Variants in NCKAP5 observed in about 807,000 individuals in gnomAD.
NCKAP5 encodes NCK associated protein 5.
NCKAP5 carries 92 observed loss-of-function variants against 167.0 expected under a neutral mutation model. That is an observed-to-expected ratio of 0.55 (90% CI 0.47 to 0.66). NCKAP5 has a LOEUF of 0.66. NCKAP5 is among the 30% of genes least tolerant of loss of function. The pLI is 0.00. For synonymous variants in NCKAP5, 891 were observed against 877.4 expected (o/e 1.02, Z -0.27); for missense variants, 2,378 against 2,315.0 (o/e 1.03, Z -0.56).
intron 11 of NCKAP5, among the ~76,000 whole-genome samples, chr2:132,859,937 T>G (rs116136638): frequency 6.6e-6 from 1 of 152,022 alleles, no homozygotes; most frequent in South Asian, 2.1e-4. Flanking sequence ...CAGCTTTCCA[T>G]GTTATGAAGG....
At chr2:133,618,578 A>G in the NCKAP5 span, among the ~76,000 whole-genome samples, 2 of 151,828 alleles carry the variant, frequency 1.3e-5, no homozygotes, top group East Asian at 1.9e-4. Flanking sequence ...TGGCCATCAG[A>G]GAAATGCAAA....
At chr2:132,733,183 G>C (rs1266324534) in intron 16 of NCKAP5, among the ~76,000 whole-genome samples, 4 of 152,190 alleles carry the variant, frequency 2.6e-5, no homozygotes, top group African/African-American at 4.8e-5. Flanking sequence ...CAAGGCCAAT[G>C]AGGCAGCTTC....
In NCKAP5 at chr2:133,262,818, G is replaced by C. The variant is rs79123696; in HGVS notation, c.143+40219C>G. On this transcript the variant is annotated intron_variant, in intron 4 of 19. Transcript: ENST00000409261. ...ACAGTTCCACATAAAAAGCAGGAAGGCTTGTTCTCCAAAAATGCCCCTTGG... is the reference window on the plus strand; with the variant it reads ...ACAGTTCCACATAAAAAGCAGGAAGCCTTGTTCTCCAAAAATGCCCCTTGG... Among the ~76,000 whole-genome samples, 781 of 152,266 alleles carry C rather than the reference G, an allele frequency of 5.1e-3. 15 individuals carry two copies. The South Asian group carries it at 0.06, about 12-fold the overall frequency.
rs544578777 is a variant in NCKAP5, at chr2:133,557,080, G to A, written c.-62+1970C>T. ...GAATACAAACCACATGCCTAGCAAT[G>A]GAGAGAATTCTAGGTTCTAAATAAT... On this transcript the variant is annotated intron_variant, in intron 2 of 19. Coordinates refer to ENST00000409261, the MANE Select transcript of NCKAP5 (RefSeq NM_207363.3). Among the ~76,000 whole-genome samples the A allele has an allele frequency of 6.8e-4, 104 of 152,286 alleles. 2 individuals carry two copies. Among genetic ancestry groups the A allele is most frequent in the Non-Finnish European group, 1.2e-3 (83 of 68,018 alleles).
At chr2:133,403,019 T>G (rs1688197750) in intron 3 of NCKAP5, among the ~76,000 whole-genome samples, 1 of 152,226 alleles carries the variant, frequency 6.6e-6, no homozygotes, top group East Asian at 1.9e-4. Flanking sequence ...TTAACTTTTA[T>G]GTCCCAATGA....
chr2:133,448,330 T>C lies in NCKAP5; in HGVS notation c.69+69128A>G, dbSNP rs1179097146. ...AACTCTTTTCCACAAATCAAACCTT[T>C]GAATCATTCTGTAGCATGAGGAAGC... On this transcript the variant is annotated intron_variant, in intron 3 of 19. Transcript: ENST00000409261. 9.2e-5 allele frequency among the ~76,000 whole-genome samples: 14 copies of C among 152,150 alleles called. 1 individual carries two copies. In the East Asian group the frequency reaches 2.5e-3, roughly 27 times the overall value.
intron 3 of NCKAP5, among the ~76,000 whole-genome samples, chr2:133,455,386 C>T (rs968278534): frequency 1.3e-5 from 2 of 152,060 alleles, no homozygotes; most frequent in Non-Finnish European, 2.9e-5. Flanking sequence ...TAGTCATTTT[C>T]ATGGGACAGA....
intron 3 of NCKAP5, among the ~76,000 whole-genome samples, chr2:133,492,212 C>T (rs1209713856): frequency 2.0e-5 from 3 of 148,292 alleles, no homozygotes; most frequent in South Asian, 4.3e-4. Flanking sequence ...GGTGAAAATA[C>T]GGGCTTTGGA....
Position 133,267,922 on chromosome 2 carries a change from T to C in NCKAP5, c.143+35115A>G, listed in dbSNP as rs373229058. 6.2e-4 allele frequency among the ~76,000 whole-genome samples: 95 copies of C among 152,328 alleles called. 1 individual carries two copies. In the East Asian group the frequency reaches 8.9e-3, roughly 14 times the overall value. Reference sequence around the variant, plus strand: ...ATAAATGGCAGTAGTCCTAGAGACATACAAACAAGTCTTAAAGCATGGAAG... The same window carrying C: ...ATAAATGGCAGTAGTCCTAGAGACACACAAACAAGTCTTAAAGCATGGAAG... On this transcript the variant is annotated intron_variant, in intron 4 of 19. Coordinates refer to ENST00000409261, the MANE Select transcript of NCKAP5 (RefSeq NM_207363.3).
At chr2:133,180,856 C>T (rs1330772862) in intron 5 of NCKAP5, among the ~76,000 whole-genome samples, 1 of 151,964 alleles carries the variant, frequency 6.6e-6, no homozygotes, top group Non-Finnish European at 1.5e-5. Context: ...AGCTTCTACA[C>T]AGCAAAGGAA....
chr2:133,518,700 AT>A (rs1316155129), intron 2 of NCKAP5, among the ~76,000 whole-genome samples: 3 of 152,056 alleles, frequency 2.0e-5, no homozygotes, highest in Non-Finnish European at 4.4e-5. Flanking sequence ...TGGACAAGTC[AT>A]TTAACCTCTC....
At chr2:133,664,877 GTAC>G in the NCKAP5 span, among the ~76,000 whole-genome samples, 8 of 152,176 alleles carry the variant, frequency 5.3e-5, no homozygotes, top group Non-Finnish European at 1.2e-4. Context: ...TTCTACATCA[GTAC>G]TTTCTGCTTC....
At chr2:132,974,976 A>T (rs1429503553) in intron 7 of NCKAP5, among the ~76,000 whole-genome samples, 1 of 152,164 alleles carries the variant, frequency 6.6e-6, no homozygotes, top group Non-Finnish European at 1.5e-5. Flanking sequence ...TCTGTGATTT[A>T]TTTACTCATT....
intron 8 of NCKAP5, among the ~76,000 whole-genome samples, chr2:132,889,791 C>T (rs542503927): frequency 8.5e-5 from 13 of 152,216 alleles, no homozygotes; most frequent in South Asian, 2.1e-4. Context: ...ATGTCAGACA[C>T]TATCTAATAC....
chr2:132,953,027 A>ATGT (rs1208515359), intron 8 of NCKAP5, among the ~76,000 whole-genome samples: 1 of 152,200 alleles, frequency 6.6e-6, no homozygotes, highest in Non-Finnish European at 1.5e-5. Context: ...TTAAACATAG[A>ATGT]TGTTGTTAGC....
intron 6 of NCKAP5, among the ~76,000 whole-genome samples, chr2:133,116,603 T>C (rs1198527767): frequency 6.6e-6 from 1 of 151,952 alleles, no homozygotes; most frequent in Non-Finnish European, 1.5e-5. Context: ...GAAAAAACTT[T>C]AGTAAAACGG....
At chr2:133,467,692 G>A (rs1692708326) in intron 3 of NCKAP5, among the ~76,000 whole-genome samples, 1 of 149,382 alleles carries the variant, frequency 6.7e-6, no homozygotes, top group Non-Finnish European at 1.5e-5. Context: ...TTCAGCTCCT[G>A]TTATTGGTCT....
chr2:133,473,414 G>C (rs1679540046), intron 3 of NCKAP5, among the ~76,000 whole-genome samples: 1 of 152,180 alleles, frequency 6.6e-6, no homozygotes, highest in Non-Finnish European at 1.5e-5. Flanking sequence ...GAATAACCTA[G>C]AGGACTTGTG....
chr2:133,419,559 T>C (rs1007346720), intron 3 of NCKAP5, among the ~76,000 whole-genome samples: 3 of 152,218 alleles, frequency 2.0e-5, no homozygotes, highest in African/African-American at 7.2e-5. Flanking sequence ...CCTTTTTAGA[T>C]GAAAAGTACT....
Sources: gnomAD v4.1 joint callset for allele counts (sites outside exome capture counted in the v4.1 genomes callset) on GRCh38, gnomAD v4.1.1 for gene constraint, MANE v1.5 for transcripts, NCBI Gene and HGNC (gene_info 2026-07-23, HGNC 2026-07-21) for gene names.